RAPGEF4: variants seen among roughly 807,000 people sequenced by gnomAD.
The protein encoded by RAPGEF4 is RAP guanine-nucleotide-exchange factor (GEF) 4.
Under a neutral mutation model 147.9 loss-of-function variants are expected in RAPGEF4, and 66 were observed. That is an observed-to-expected ratio of 0.45 (90% CI 0.37 to 0.55). RAPGEF4 has a LOEUF of 0.55. Ranked by LOEUF, RAPGEF4 falls within the 20% of genes least tolerant of loss-of-function variation. RAPGEF4 has a pLI of 0.00. For missense variants in RAPGEF4, 1,071 were observed against 1,257.3 expected (o/e 0.85, Z 2.24); for synonymous variants, 419 against 442.7 (o/e 0.95, Z 0.67).
intron 4 of RAPGEF4, chr2:172,893,894 C>A (rs1396998010): frequency 6.6e-6 from 1 of 152,342 alleles, no homozygotes; most frequent in African/African-American, 2.4e-5. Flanking sequence ...CCAGTCTTGG[C>A]CACTTTCATT....
At chr2:173,020,754 A>G (rs1488425472) in intron 23 of RAPGEF4, 39 bp downstream of exon 23, 1 of 1,526,980 alleles carries the variant, frequency 6.5e-7, no homozygotes, top group Admixed American at 1.9e-5. Flanking sequence ...CATTGCAATC[A>G]GAAAAACTTG....
chr2:172,829,474 G>A (rs1483433275), intron 4 of RAPGEF4, among the ~76,000 whole-genome samples: 2 of 152,188 alleles, frequency 1.3e-5, no homozygotes, highest in African/African-American at 4.8e-5. Context: ...GATCTGATTC[G>A]AAAACATCGT....
At chr2:172,933,173 A>G (rs1686167442) in intron 6 of RAPGEF4, among the ~76,000 whole-genome samples, 1 of 152,178 alleles carries the variant, frequency 6.6e-6, no homozygotes, top group Non-Finnish European at 1.5e-5. Flanking sequence ...TTTAAGTAAC[A>G]GTGTTACTAA....
At chr2:172,790,494 G>T (rs1483188856) in intron 1 of RAPGEF4, among the ~76,000 whole-genome samples, 1 of 152,184 alleles carries the variant, frequency 6.6e-6, no homozygotes, top group Non-Finnish European at 1.5e-5. Flanking sequence ...TATGAAGGGA[G>T]AAGAAAGGAG....
chr2:172,897,389 T>A (rs1315059030), intron 4 of RAPGEF4, among the ~76,000 whole-genome samples: 1 of 151,852 alleles, frequency 6.6e-6, no homozygotes, highest in African/African-American at 2.4e-5. Flanking sequence ...TTTTTGGGGT[T>A]TTTTAAAAAT....
intron 27 of RAPGEF4, among the ~76,000 whole-genome samples, chr2:173,034,694 C>A (rs569188221): frequency 6.6e-6 from 1 of 151,818 alleles, no homozygotes; most frequent in Non-Finnish European, 1.5e-5. Context: ...GCCAACATGA[C>A]GAAACCCCAT....
chr2:172,758,379 G>T (rs6713148), intron 1 of RAPGEF4, among the ~76,000 whole-genome samples: 1,831 of 152,286 alleles, frequency 0.012, 34 homozygotes, highest in African/African-American at 0.038. Flanking sequence ...GAGTGAAATA[G>T]GAGCCATGAA....
chr2:172,967,158 C>A, intron 9 of RAPGEF4, 103 bp from the exon 10 acceptor site: 1 of 1,186,496 alleles, frequency 8.4e-7, no homozygotes. Flanking sequence ...CCCGGCTTTG[C>A]TGCCACTTGG....
chr2:172,805,971 CAA>C (rs946976372), intron 3 of RAPGEF4, among the ~76,000 whole-genome samples: 2 of 151,112 alleles, frequency 1.3e-5, no homozygotes, highest in Non-Finnish European at 2.9e-5. Context: ...AGCTTAAAAA[CAA>C]TAAATAGGAT....
chr2:173,034,327 G>A (rs1226212442), intron 27 of RAPGEF4, among the ~76,000 whole-genome samples: 1 of 152,148 alleles, frequency 6.6e-6, no homozygotes, highest in Non-Finnish European at 1.5e-5. Context: ...AGTGAGTTGG[G>A]CTCGCCGGGA....
At chr2:172,814,229 T>C in intron 3 of RAPGEF4, 50 bp from the exon 4 acceptor site, 1 of 1,588,424 alleles carries the variant, frequency 6.3e-7, no homozygotes, top group Non-Finnish European at 8.6e-7. Flanking sequence ...AGAAAACACC[T>C]ACCCATTAGA....
At position 172,983,534 on chromosome 2, in the gene RAPGEF4, A is replaced by G. The variant is rs376593491; in HGVS notation, c.1043A>G (p.Tyr348Cys). 5.0e-6 allele frequency: 8 copies of G among 1,611,692 alleles called. No individual in the cohort carries two copies. Among genetic ancestry groups the G allele is most frequent in the Admixed American group, 3.3e-5 (2 of 59,742 alleles). Residue 348 changes from tyrosine (Y) to cysteine (C), a missense_variant, in exon 11 of 31, where the codon TAT becomes TGT. Coordinates refer to ENST00000397081, the MANE Select transcript of RAPGEF4 (RefSeq NM_007023.4). ...QRTVDDLEII[Y>C]EELLHIKALS... ...ACTGTGGATGACCTAGAGATTATCT[A>G]TGAGGAGCTTCTTCATATTAAAGCC...
intron 5 of RAPGEF4, among the ~76,000 whole-genome samples, chr2:172,918,665 T>C (rs1276800191): frequency 1.3e-5 from 2 of 152,188 alleles, no homozygotes; most frequent in African/African-American, 4.8e-5. Context: ...GATCTGTTCA[T>C]GCATGTCGGA....
chr2:172,934,147 C>CTTTTTTT (rs5836396), intron 6 of RAPGEF4, among the ~76,000 whole-genome samples: 7 of 99,134 alleles, frequency 7.1e-5, no homozygotes, highest in African/African-American at 7.9e-5. Context: ...TTATTTAATC[C>CTTTTTTT]TTTTTTTTTT....
intron 4 of RAPGEF4, chr2:172,917,353 T>G (rs1254622128): frequency 4.6e-6 from 2 of 430,948 alleles, no homozygotes; most frequent in Non-Finnish European, 4.6e-6. Flanking sequence ...AAAGACATTT[T>G]TCTCAAGATG....
intron 4 of RAPGEF4, among the ~76,000 whole-genome samples, chr2:172,878,155 G>A (rs933066005): frequency 2.0e-5 from 3 of 152,198 alleles, no homozygotes; most frequent in Non-Finnish European, 4.4e-5. Flanking sequence ...AGGTTAGAGA[G>A]GTGGTAAAGT....
intron 15 of RAPGEF4, among the ~76,000 whole-genome samples, chr2:172,991,129 T>G (rs1692792008): frequency 6.6e-6 from 1 of 152,136 alleles, no homozygotes; most frequent in South Asian, 2.1e-4. Flanking sequence ...CTGCCTAGAG[T>G]AATTCGGGAG....
chr2:172,882,990 C>T (rs974791083), intron 4 of RAPGEF4, among the ~76,000 whole-genome samples: 3 of 151,892 alleles, frequency 2.0e-5, no homozygotes, highest in African/African-American at 7.3e-5. Context: ...TGTTCATTTC[C>T]AATTATCCAC....
chr2:172,929,188 T>TA (rs201033094), intron 6 of RAPGEF4, among the ~76,000 whole-genome samples: 2,679 of 152,352 alleles, frequency 0.018, 97 homozygotes, highest in African/African-American at 0.061. Flanking sequence ...AAATATGTCT[T>TA]ATGGTTAGCA....
Sources: allele counts gnomAD v4.1 joint callset (sites outside exome capture counted in the v4.1 genomes callset), GRCh38; gene constraint gnomAD v4.1.1; transcripts MANE v1.5; gene names NCBI Gene and HGNC (gene_info 2026-07-23, HGNC 2026-07-21).